TCEA2: variants seen among roughly 807,000 people sequenced by gnomAD.
TCEA2 encodes transcription elongation factor A2.
In TCEA2, 21 loss-of-function variants were observed where a neutral mutation model predicts 40.8. The ratio of observed to expected loss-of-function variants is 0.51; its 90% confidence interval spans 0.36 to 0.74. The LOEUF is 0.74. Ranked by LOEUF, TCEA2 falls within the 30% of genes least tolerant of loss-of-function variation. TCEA2 has a pLI of 0.00. For synonymous variants in TCEA2, 165 were observed against 162.7 expected, an observed-to-expected ratio of 1.01 and a Z score of -0.11; for missense variants, 326 against 426.5, an observed-to-expected ratio of 0.76 and a Z score of 2.08.
chr20:64,066,891 C>T, intron 2 of TCEA2, 24 bp from the exon 3 acceptor site: 1 of 1,611,148 alleles, frequency 6.2e-7, no homozygotes, highest in Non-Finnish European at 8.5e-7. Flanking sequence ...CTGCCTCCCC[C>T]AACCCAGACC....
chr20:64,068,133 A>G lies in TCEA2; in HGVS notation c.328A>G (p.Ser110Gly). ...GGATGCCTCAGAGGCCCCGGATCCCAGGTAGCACACCTGGAAGGCAGGTGC... is the reference window on the plus strand; with the variant it reads ...GGATGCCTCAGAGGCCCCGGATCCCGGGTAGCACACCTGGAAGGCAGGTGC... ...SRDASEAPDPSRKRPELPRAP... is the reference protein window; with the variant it reads ...SRDASEAPDPGRKRPELPRAP... Residue 110 changes from serine (S) to glycine (G), a missense_variant and splice_region_variant, in exon 4 of 10, where the codon AGC becomes GGC. By Grantham distance (56) the Ser-to-Gly change is moderately conservative. Transcript: ENST00000343484. 6.2e-7 allele frequency: 1 copy of G among 1,607,368 alleles called. No individual in the cohort carries two copies.
Position 64,071,898 on chromosome 20 carries a change from T to C in TCEA2, c.848T>C (p.Met283Thr). 8 of 1,614,158 alleles carry C rather than the reference T, an allele frequency of 5.0e-6. No homozygotes were observed. The highest frequency in any genetic ancestry group is 6.8e-6 in the Non-Finnish European group (8 of 1,180,026). ...CAGACCCGCAGCTCTGATGAGCCCATGACCACCTTTGTTGTCTGCAACGAG... is the reference window on the plus strand; with the variant it reads ...CAGACCCGCAGCTCTGATGAGCCCACGACCACCTTTGTTGTCTGCAACGAG... ...QVQTRSSDEP[M>T]TTFVVCNECG... Residue 283 changes from methionine to threonine, a missense_variant, in exon 9 of 10, where the codon ATG becomes ACG. Physicochemically the swap from Met to Thr is moderately conservative, Grantham distance 81 (BLOSUM62 -1). Coordinates refer to ENST00000343484, the MANE Select transcript of TCEA2 (RefSeq NM_003195.6).
chr20:64,068,687 A>G (rs1337408015), intron 4 of TCEA2, among the ~76,000 whole-genome samples: 1 of 152,216 alleles, frequency 6.6e-6, no homozygotes, highest in Non-Finnish European at 1.5e-5. Flanking sequence ...GGTTGTGGTG[A>G]CTGGGCCACC....
At chr20:64,064,309 G>A (rs1215455773) in intron 1 of TCEA2, 2 of 152,356 alleles carry the variant, frequency 1.3e-5, no homozygotes, top group Non-Finnish European at 2.9e-5. Flanking sequence ...CGGCCACAGC[G>A]AGACTTTGGA....
chr20:64,059,118 G>T (rs1442594601), upstream of TCEA2, among the ~76,000 whole-genome samples: 5 of 150,798 alleles, frequency 3.3e-5, no homozygotes, highest in African/African-American at 1.2e-4. Flanking sequence ...GCTTGAACCT[G>T]GGATGCGGAG....
At chr20:64,059,592 G>A (rs1191749825), upstream of TCEA2, among the ~76,000 whole-genome samples, 3 of 147,374 alleles carry the variant, frequency 2.0e-5, no homozygotes, top group Non-Finnish European at 4.5e-5. Flanking sequence ...CCTGTGGCCT[G>A]TACTTCTGAT....
In TCEA2 at chr20:64,058,101, TGTCAGG is replaced by T. The variant is rs2059497751; in HGVS notation, c.-84+453_-84+458del. Among the ~76,000 whole-genome samples, 1 of 152,208 alleles carries T rather than the reference TGTCAGG, an allele frequency of 6.6e-6. No individual in the cohort carries two copies. Among genetic ancestry groups the T allele is most frequent in the African/African-American group, 2.4e-5 (1 of 41,440 alleles). On this transcript the variant is annotated intron_variant, in intron 1 of 10. Coordinates refer to the TCEA2 transcript ENST00000361317. The surrounding 1 kb of genome is among the most constrained non-coding windows in gnomAD (Gnocchi z 6.7). ...GTTGCTTCCACGCAGGACTAGAGCATGTCAGGGTTCGGGGCTCCTGTCATAGCGGAG... is the reference window on the plus strand; with the variant it reads ...GTTGCTTCCACGCAGGACTAGAGCATGTTCGGGGCTCCTGTCATAGCGGAG...
In TCEA2 at chr20:64,068,054, C is replaced by G. The variant is rs578220402; in HGVS notation, c.249C>G (p.Ser83=). Reference sequence around the variant, plus strand: ...CCCCGATCTTTCCTGCAGATGCTTCCGATGCCAAAGCCAGGGAGCGGGGGA... The same window carrying G: ...CCCCGATCTTTCCTGCAGATGCTTCGGATGCCAAAGCCAGGGAGCGGGGGA... ...IKSWKKLLDA[S]DAKARERGRG... The change falls in exon 4 of 10, where the codon TCC becomes TCG. Residue 83 remains serine (S), a synonymous_variant. Coordinates refer to ENST00000343484, the MANE Select transcript of TCEA2 (RefSeq NM_003195.6). The G allele has an allele frequency of 2.4e-5, 38 of 1,605,300 alleles. No individual in the cohort carries two copies. The highest frequency in any genetic ancestry group is 3.2e-5 in the Non-Finnish European group (38 of 1,176,374).
chr20:64,063,288 C>T lies in TCEA2; in HGVS notation c.-25C>T, dbSNP rs778626284. The T allele has an allele frequency of 1.1e-5, 16 of 1,516,114 alleles. No homozygotes were observed. In the East Asian group the frequency reaches 3.3e-4, roughly 31 times the overall value. The allele number at this position is 1,516,114 out of a possible 1,614,324, so 93.9% of individuals were successfully genotyped here. A position where few individuals can be genotyped will look rare whatever the true frequency, so the allele number is the denominator to read the frequency against. On this transcript the variant is annotated 5_prime_UTR_variant, in exon 1 of 10. Transcript: ENST00000343484. ...CGGCTGCGGAGGCGGGCGCGACGGG[C>T]GCGGGGGTCGCTGCTCCTGAGGCGA... is the stretch of plus-strand genomic sequence containing the variant.
intron 4 of TCEA2, 112 bp downstream of exon 4, chr20:64,068,246 G>A (rs550825096): frequency 1.0e-6 from 1 of 958,166 alleles, no homozygotes; most frequent in East Asian, 2.7e-5. Context: ...GCTGCACACA[G>A]AGTCGGTCAG....
intron 5 of TCEA2, 23 bp downstream of exon 5, chr20:64,069,514 C>T: frequency 1.2e-6 from 2 of 1,609,140 alleles, no homozygotes; most frequent in Non-Finnish European, 1.7e-6. Flanking sequence ...GGCCCTGGCT[C>T]CTGACACCCG....
At chr20:64,057,970 C>G (rs1432468763) in intron 1 of TCEA2, among the ~76,000 whole-genome samples, 1 of 152,192 alleles carries the variant, frequency 6.6e-6, no homozygotes, top group African/African-American at 2.4e-5. Context: ...CTGTTCCTCA[C>G]AGGCTCTGGG....
Position 64,063,323 on chromosome 20 carries a change from A to T in TCEA2, c.11A>T (p.Lys4Met), listed in dbSNP as rs2059610446. MMG[K>M]EEEIARIARR... is the part of the protein sequence containing the mutation. ...GCTGCTCCTGAGGCGATGATGGGCA[A>T]GGAAGAGGAGATTGCGCGGATCGCC... is the stretch of plus-strand genomic sequence containing the variant. Residue 4 changes from lysine to methionine, a missense_variant, in exon 1 of 10, where the codon AAG (lysine) becomes ATG (methionine). Physicochemically the swap from Lys to Met is moderately conservative, Grantham distance 95. Coordinates refer to ENST00000343484, the MANE Select transcript of TCEA2 (RefSeq NM_003195.6). 2 of 1,546,762 alleles carry T rather than the reference A, an allele frequency of 1.3e-6. No homozygotes were observed. Among genetic ancestry groups the T allele is most frequent in the Admixed American group, 2.0e-5 (1 of 50,924 alleles).
In TCEA2 at chr20:64,063,444, C is replaced by T; in HGVS notation, c.72+60C>T. 2.0e-6 allele frequency: 3 copies of T among 1,521,362 alleles called. No homozygotes were observed. The South Asian group carries it at 3.6e-5, about 18-fold the overall frequency. 94.2% of individuals were successfully genotyped at this position (1,521,362 alleles called of 1,614,324 possible). ...CCGCCCCGCCGAGACCCCGTCGAGC[C>T]CGCCGACCCCCGTTAGGGCCGGAAG... On this transcript the variant is annotated intron_variant, in intron 1 of 9. Transcript: ENST00000343484.
At chr20:64,057,412 T>G (rs1197269939) in exon 1 of TCEA2, 1 of 152,262 alleles carries the variant, frequency 6.6e-6, no homozygotes, top group Middle Eastern at 3.2e-3. Context: ...GCTCCCCGTG[T>G]GTGCGAGGCT....
upstream of TCEA2, among the ~76,000 whole-genome samples, chr20:64,061,533 C>A (rs1052042428): frequency 2.6e-5 from 4 of 151,948 alleles, no homozygotes; most frequent in Non-Finnish European, 5.9e-5. Context: ...CCTTGGCCTC[C>A]CAAAGTGCTG....
At position 64,070,472 on chromosome 20, in the gene TCEA2, C is replaced by T; in HGVS notation, c.673-17C>T. The T allele has an allele frequency of 6.2e-7, 1 of 1,613,714 alleles. No homozygotes were observed. The highest frequency in any genetic ancestry group is 8.5e-7 in the Non-Finnish European group (1 of 1,179,864). ...TCCCTCGGAGCGGTGGGCTAAGCCA[C>T]TGGCCCCGTGCTCCAGGAGATGGCC... On this transcript the variant is annotated splice_polypyrimidine_tract_variant and intron_variant, in intron 7 of 9. Coordinates refer to ENST00000343484, the MANE Select transcript of TCEA2 (RefSeq NM_003195.6).
Position 64,067,034 on chromosome 20 carries a change from G to A in TCEA2, c.241+14G>A, listed in dbSNP as rs376765981. The A allele has an allele frequency of 3.6e-5, 58 of 1,601,970 alleles. No individual in the cohort carries two copies. Among genetic ancestry groups the A allele is most frequent in the Admixed American group, 8.5e-5 (5 of 58,662 alleles). On this transcript the variant is annotated intron_variant, in intron 3 of 9. Transcript: ENST00000343484. ...AGAAGCTCCTGGGTGCGGCTCAGGC[G>A]GTGCCCACTGAGTGCTGGGGCAGGG... is the stretch of plus-strand genomic sequence containing the variant.
At chr20:64,070,023 G>C (rs1319585681) in intron 6 of TCEA2, 1 of 877,692 alleles carries the variant, frequency 1.1e-6, no homozygotes, top group Admixed American at 2.0e-5. Flanking sequence ...CTGTCTGCTT[G>C]TGGGGCCTAG....
Sources: allele counts gnomAD v4.1 joint callset (sites outside exome capture counted in the v4.1 genomes callset), GRCh38; gene constraint gnomAD v4.1.1; non-coding constraint Gnocchi (gnomAD v3.1); transcripts MANE v1.5; gene names NCBI Gene and HGNC (gene_info 2026-07-23, HGNC 2026-07-21).